The following NUDT3 variants were observed in gnomAD, a reference collection of about 807,000 sequenced individuals.
The protein encoded by NUDT3 is nudix hydrolase 3, also known as diphosphoinositol polyphosphate phosphohydrolase 1.
Under a neutral mutation model 23.6 loss-of-function variants are expected in NUDT3, and 9 were observed. That is an observed-to-expected ratio of 0.38 (90% CI 0.23 to 0.66). The LOEUF (loss-of-function observed/expected upper bound fraction) is 0.66, where lower values mean the gene tolerates loss of function less well. Ranked by LOEUF, NUDT3 falls within the 30% of genes least tolerant of loss-of-function variation. NUDT3 has a pLI of 0.52. For missense variants in NUDT3, 172 were observed against 218.5 expected (o/e 0.79, Z 1.34); for synonymous variants, 86 against 82.6 (o/e 1.04, Z -0.22).
intron 1 of NUDT3, among the ~76,000 whole-genome samples, chr6:34,382,284 T>A (rs1029393750): frequency 6.7e-6 from 1 of 150,288 alleles, no homozygotes; most frequent in African/African-American, 2.5e-5. Context: ...ATGCCTGTAG[T>A]CCCAGCTACT....
chr6:34,392,235 A>G (rs780342695), intron 1 of NUDT3, 29 bp downstream of exon 1: 1 of 1,532,402 alleles, frequency 6.5e-7, no homozygotes, highest in South Asian at 1.2e-5. Flanking sequence ...AGACCCGGCG[A>G]CCCCGGCCCG....
intron 4 of NUDT3, among the ~76,000 whole-genome samples, chr6:34,291,874 G>T (rs1341946752): frequency 6.6e-6 from 1 of 152,104 alleles, no homozygotes; most frequent in Admixed American, 6.5e-5. Context: ...GTCATTCATT[G>T]ATTTGTCATT....
intron 2 of NUDT3, among the ~76,000 whole-genome samples, chr6:34,304,094 A>C (rs751075269): frequency 4.6e-5 from 7 of 151,988 alleles, no homozygotes; most frequent in Non-Finnish European, 8.8e-5. Flanking sequence ...TCTCTACTAA[A>C]AGTACAAAAT....
At chr6:34,290,052 G>A (rs1763394664) in intron 4 of NUDT3, among the ~76,000 whole-genome samples, 3 of 152,094 alleles carry the variant, frequency 2.0e-5, no homozygotes, top group Non-Finnish European at 2.9e-5. Flanking sequence ...AGGTAGCTGT[G>A]TTCCTGCTCC....
rs369206975 is a variant in NUDT3, at chr6:34,300,527, T to C, written c.211-4842A>G. Reference sequence around the variant, plus strand: ...TTAGAGGCTGTCTCTCAGGGACTTCTGGAAAAGATTTCCCACCACGATAAA... The same window carrying C: ...TTAGAGGCTGTCTCTCAGGGACTTCCGGAAAAGATTTCCCACCACGATAAA... On this transcript the variant is annotated intron_variant, in intron 2 of 4. Transcript: ENST00000607016. Among the ~76,000 whole-genome samples the C allele has an allele frequency of 4.6e-5, 7 of 152,322 alleles. No individual in the cohort carries two copies. In the East Asian group the frequency reaches 1.3e-3, roughly 29 times the overall value.
chr6:34,341,674 G>C (rs1318545223), intron 2 of NUDT3, among the ~76,000 whole-genome samples, 188 bp downstream of exon 2: 1 of 152,246 alleles, frequency 6.6e-6, no homozygotes. Context: ...CTGGCACAGA[G>C]TGCCGGTTAA....
chr6:34,312,987 C>A (rs150049469), intron 2 of NUDT3, among the ~76,000 whole-genome samples: 1 of 151,608 alleles, frequency 6.6e-6, no homozygotes. Flanking sequence ...GCCAACATGG[C>A]GAAACCCCCT....
At chr6:34,377,902 C>G (rs1308315302) in intron 1 of NUDT3, among the ~76,000 whole-genome samples, 4 of 151,840 alleles carry the variant, frequency 2.6e-5, no homozygotes, top group Non-Finnish European at 4.4e-5. Flanking sequence ...CACTGGCGTT[C>G]AGGCTACTGT....
intron 2 of NUDT3, among the ~76,000 whole-genome samples, chr6:34,330,480 G>A (rs1486555745): frequency 6.6e-6 from 1 of 152,142 alleles, no homozygotes; most frequent in African/African-American, 2.4e-5. Context: ...GTTCACTATG[G>A]CATTTTCCAT....
At chr6:34,319,029 G>A (rs1763901139) in intron 2 of NUDT3, among the ~76,000 whole-genome samples, 1 of 146,834 alleles carries the variant, frequency 6.8e-6, no homozygotes, top group Non-Finnish European at 1.5e-5. Flanking sequence ...GGAAAACAGA[G>A]CTGGGACAGT....
rs1236735869 is a variant in NUDT3, at chr6:34,281,329, T to C, written c.*7424A>G. On this transcript the variant is annotated 3_prime_UTR_variant, in exon 5 of 5. Coordinates refer to ENST00000607016, the MANE Select transcript of NUDT3 (RefSeq NM_006703.4). Reference sequence around the variant, plus strand: ...GAGGCTGGGCTGGCAAAAGTAAGTATGAAGATGCTACTACTGGCCTTCCAC... The same window carrying C: ...GAGGCTGGGCTGGCAAAAGTAAGTACGAAGATGCTACTACTGGCCTTCCAC... The C allele has an allele frequency of 6.6e-6, 1 of 152,200 alleles. No individual in the cohort carries two copies. The highest frequency in any genetic ancestry group is 6.5e-5 in the Admixed American group (1 of 15,280). 9.4% of individuals were successfully genotyped at this position (152,200 alleles called of 1,614,324 possible). A position where few individuals can be genotyped will look rare whatever the true frequency, so the allele number is the denominator to read the frequency against.
chr6:34,328,945 C>T (rs1404843780), intron 2 of NUDT3, among the ~76,000 whole-genome samples: 1 of 152,180 alleles, frequency 6.6e-6, no homozygotes, highest in Non-Finnish European at 1.5e-5. Flanking sequence ...CACAACTGCT[C>T]AGGCTGGGTA....
At chr6:34,366,473 AAGGG>A (rs529092584) in intron 1 of NUDT3, among the ~76,000 whole-genome samples, 2,581 of 29,826 alleles carry the variant, frequency 0.087, 297 homozygotes, top group African/African-American at 0.27. Flanking sequence ...AGAGAGAGGG[AAGGG>A]AGGGAGGGAG....
chr6:34,291,370 T>C (rs1461577939), intron 4 of NUDT3, among the ~76,000 whole-genome samples: 1 of 152,176 alleles, frequency 6.6e-6, no homozygotes, highest in African/African-American at 2.4e-5. Context: ...ATAGAGCTTC[T>C]GAACTTTCAA....
intron 1 of NUDT3, among the ~76,000 whole-genome samples, chr6:34,376,477 A>G (rs1764924797): frequency 6.6e-6 from 1 of 152,032 alleles, no homozygotes; most frequent in African/African-American, 2.4e-5. Context: ...GGGTCTCCCT[A>G]TGTTACTCAG....
At chr6:34,387,256 A>C (rs903045761) in intron 1 of NUDT3, among the ~76,000 whole-genome samples, 6 of 151,964 alleles carry the variant, frequency 3.9e-5, no homozygotes, top group African/African-American at 1.5e-4. Flanking sequence ...TAAAAAGTTA[A>C]TTGTAAAACA....
chr6:34,293,570 T>C lies in NUDT3; in HGVS notation c.256-35A>G, dbSNP rs376381901. 103 of 1,612,944 alleles carry C rather than the reference T, an allele frequency of 6.4e-5. No individual in the cohort carries two copies. The African/African-American group carries it at 1.2e-3, about 19-fold the overall frequency. On this transcript the variant is annotated intron_variant, in intron 3 of 4. Coordinates refer to ENST00000607016, the MANE Select transcript of NUDT3 (RefSeq NM_006703.4). ...AAAGAGAGAAGGATAGAGAGAGTTT[T>C]TCCTTAGAAAGCTGGAATTACTTAA...
intron 4 of NUDT3, among the ~76,000 whole-genome samples, chr6:34,289,524 G>A (rs993769112): frequency 2.1e-4 from 32 of 152,188 alleles, no homozygotes; most frequent in African/African-American, 7.2e-4. Flanking sequence ...CTGTCATCGC[G>A]CCACTGCACT....
At chr6:34,305,509 T>G (rs1297131768) in intron 2 of NUDT3, among the ~76,000 whole-genome samples, 1 of 152,164 alleles carries the variant, frequency 6.6e-6, no homozygotes, top group African/African-American at 2.4e-5. Context: ...ATAACCCACT[T>G]TTGGTTTTGT....
Sources: allele counts gnomAD v4.1 joint callset (sites outside exome capture counted in the v4.1 genomes callset), GRCh38; gene constraint gnomAD v4.1.1; transcripts MANE v1.5; gene names NCBI Gene and HGNC (gene_info 2026-07-23, HGNC 2026-07-21).